TXNDC16: variants seen among roughly 807,000 people sequenced by gnomAD.
TXNDC16 encodes thioredoxin domain containing 16.
A neutral mutation model predicts 85.6 loss-of-function variants in TXNDC16; 74 were observed. The observed-to-expected ratio is 0.86, with a 90% CI of 0.72 to 1.05. The LOEUF is 1.05. Among genes scored for constraint, TXNDC16 ranks in the 50% least tolerant of loss-of-function variants. The probability of loss-of-function intolerance (pLI) is 0.00; values close to 1 mark genes in which losing one functional copy is unlikely to be tolerated. For synonymous variants in TXNDC16, 335 were observed against 326.5 expected, an observed-to-expected ratio of 1.03 and a Z score of -0.28; for missense variants, 959 against 947.0, an observed-to-expected ratio of 1.01 and a Z score of -0.17.
chr14:52,480,912 C>T (rs4471584), intron 14 of TXNDC16, among the ~76,000 whole-genome samples: 1 of 149,830 alleles, frequency 6.7e-6, no homozygotes, highest in East Asian at 1.9e-4. Flanking sequence ...AACCCAAATG[C>T]TCATCAATCA....
rs189237494 is a variant in TXNDC16, at chr14:52,440,816, G to A, written c.1843-92C>T. 5.0e-4 allele frequency: 612 copies of A among 1,229,834 alleles called. 2 individuals are homozygous for A. In the African/African-American group the frequency reaches 8.7e-3, roughly 17 times the overall value. The allele number at this position is 1,229,834 out of a possible 1,614,324, so 76.2% of individuals were successfully genotyped here. A position where few individuals can be genotyped will look rare whatever the true frequency, so the allele number is the denominator to read the frequency against. The stretch of plus-strand genomic sequence containing the variant: ...CATTCAAATCACTCAGTCAATTTTA[G>A]TTTGTAAAATGTAATTCAAACACAT... On this transcript the variant is annotated intron_variant, in intron 18 of 20. Coordinates refer to ENST00000281741, the MANE Select transcript of TXNDC16 (RefSeq NM_020784.3).
At chr14:52,500,954 T>TA (rs1566563206) in intron 9 of TXNDC16, among the ~76,000 whole-genome samples, 2 of 152,222 alleles carry the variant, frequency 1.3e-5, no homozygotes, top group African/African-American at 4.8e-5. Context: ...TCTACAAATA[T>TA]AAACTGAATC....
chr14:52,534,797 C>G (rs556935270), intron 6 of TXNDC16, among the ~76,000 whole-genome samples: 1 of 152,314 alleles, frequency 6.6e-6, no homozygotes, highest in South Asian at 2.1e-4. Flanking sequence ...AAGCCACATC[C>G]TATTCTGTTT....
rs2035148751 is a variant in TXNDC16, at chr14:52,440,853, T to C, written c.1843-129A>G. ...TAATTCAAACACATTTTCACTTAAG[T>C]AGAGATTTTACTATATTAATAACTA... On this transcript the variant is annotated intron_variant, in intron 18 of 20. Transcript: ENST00000281741. The C allele has an allele frequency of 9.9e-6, 8 of 804,426 alleles. No homozygotes were observed. In the East Asian group the frequency reaches 2.4e-4, roughly 24 times the overall value. The allele number at this position is 804,426 out of a possible 1,614,324, so 49.8% of individuals were successfully genotyped here. A position where few individuals can be genotyped will look rare whatever the true frequency, so the allele number is the denominator to read the frequency against.
chr14:52,465,783 A>C (rs1566542337), intron 16 of TXNDC16, among the ~76,000 whole-genome samples: 1 of 152,210 alleles, frequency 6.6e-6, no homozygotes, highest in Non-Finnish European at 1.5e-5. Context: ...GGTCTAAGTA[A>C]AGAGAAGGTG....
intron 11 of TXNDC16, 131 bp downstream of exon 11, chr14:52,490,260 C>T (rs1012099393): frequency 5.6e-6 from 3 of 540,182 alleles, no homozygotes; most frequent in Non-Finnish European, 9.2e-6. Flanking sequence ...AAAACGTTAA[C>T]AGCAATTTTC....
chr14:52,519,379 A>G, intron 6 of TXNDC16, 86 bp from the exon 7 acceptor site: 1 of 968,298 alleles, frequency 1.0e-6, no homozygotes, highest in Non-Finnish European at 1.5e-6. Flanking sequence ...TAACCAAAAG[A>G]GAAATATATC....
intron 6 of TXNDC16, among the ~76,000 whole-genome samples, chr14:52,522,006 C>T (rs2037221777): frequency 6.6e-6 from 1 of 152,150 alleles, no homozygotes; most frequent in Non-Finnish European, 1.5e-5. Context: ...TAAAGAATGG[C>T]AATGGAGTCT....
intron 12 of TXNDC16, among the ~76,000 whole-genome samples, chr14:52,486,014 G>T (rs1229439281): frequency 2.6e-5 from 4 of 151,976 alleles, no homozygotes; most frequent in Admixed American, 2.6e-4. Context: ...ATAACTTAAA[G>T]GTACTTTTAA....
chr14:52,548,960 C>T (rs955261634), intron 1 of TXNDC16, among the ~76,000 whole-genome samples: 1 of 152,188 alleles, frequency 6.6e-6, no homozygotes, highest in Non-Finnish European at 1.5e-5. Flanking sequence ...CAGTCTAGCA[C>T]TATTAGTACA....
intron 16 of TXNDC16, among the ~76,000 whole-genome samples, chr14:52,464,075 C>A (rs184603571): frequency 2.0e-5 from 3 of 152,248 alleles, no homozygotes; most frequent in African/African-American, 7.2e-5. Context: ...ACTTGTATTG[C>A]GAGATGACTG....
At chr14:52,503,657 A>C (rs2036717101) in intron 9 of TXNDC16, among the ~76,000 whole-genome samples, 2 of 152,166 alleles carry the variant, frequency 1.3e-5, no homozygotes, top group African/African-American at 4.8e-5. Context: ...AAACCCTAAA[A>C]ATCAGGGCAC....
chr14:52,508,830 C>T (rs867664313), intron 9 of TXNDC16, among the ~76,000 whole-genome samples: 13 of 152,088 alleles, frequency 8.5e-5, no homozygotes, highest in African/African-American at 3.1e-4. Context: ...AAAAACCAAA[C>T]ACCGCATGTT....
At chr14:52,513,003 T>A (rs905966818) in intron 8 of TXNDC16, among the ~76,000 whole-genome samples, 4 of 152,080 alleles carry the variant, frequency 2.6e-5, no homozygotes, top group Non-Finnish European at 4.4e-5. Flanking sequence ...GGGCCCTAGG[T>A]CAGGTGTCCA....
chr14:52,436,760 T>C (rs1408726098), intron 20 of TXNDC16, among the ~76,000 whole-genome samples: 1 of 152,124 alleles, frequency 6.6e-6, no homozygotes, highest in Non-Finnish European at 1.5e-5. Context: ...ATTCATACTA[T>C]ACCTGATAGT....
In TXNDC16 at chr14:52,470,531, G is replaced by T; in HGVS notation, c.1462C>A (p.Leu488Ile). 6.2e-7 allele frequency: 1 copy of T among 1,612,808 alleles called. No homozygotes were observed. ...ACTTACAGCTGGATAAATTTTAGGAGATCTTCGGTTCCTAACATTCCAGCA... is the reference window on the plus strand; with the variant it reads ...ACTTACAGCTGGATAAATTTTAGGATATCTTCGGTTCCTAACATTCCAGCA... Reference protein sequence around the residue: ...SYAGMLGTEDLLKFIQLNRIS... With the variant: ...SYAGMLGTEDILKFIQLNRIS... Residue 488 changes from leucine to isoleucine, a missense_variant, in exon 15 of 21, where the codon CTC becomes ATC. Coordinates refer to ENST00000281741, the MANE Select transcript of TXNDC16 (RefSeq NM_020784.3).
intron 14 of TXNDC16, among the ~76,000 whole-genome samples, chr14:52,474,074 G>A (rs2035967085): frequency 6.6e-6 from 1 of 152,144 alleles, no homozygotes; most frequent in Non-Finnish European, 1.5e-5. Flanking sequence ...TGAATGAAAA[G>A]GAAAACAAGT....
In TXNDC16 at chr14:52,486,100, ATT is replaced by A. The variant is rs368055161; in HGVS notation, c.1108+2261_1108+2262del. Among the ~76,000 whole-genome samples the A allele has an allele frequency of 8.9e-4, 135 of 151,920 alleles. 1 individual carries two copies. In the East Asian group the frequency reaches 0.025, roughly 29 times the overall value. On this transcript the variant is annotated intron_variant, in intron 12 of 20. Coordinates refer to ENST00000281741, the MANE Select transcript of TXNDC16 (RefSeq NM_020784.3). ...AAAGACCTATTTTCTTATTTACTGT[ATT>A]TTTTTCTTATTATTCATATATTTTC...
chr14:52,530,484 A>ATAATATAATATATATTATTATATAT (rs1566582903), intron 6 of TXNDC16, among the ~76,000 whole-genome samples: 9 of 306 alleles, frequency 0.029, no homozygotes, highest in Admixed American at 0.083. Flanking sequence ...ATTATATATA[A>ATAATATAATATATATTATTATATAT]TATTATATAT....
Sources: allele counts gnomAD v4.1 joint callset (sites outside exome capture counted in the v4.1 genomes callset), GRCh38; gene constraint gnomAD v4.1.1; transcripts MANE v1.5; gene names NCBI Gene and HGNC (gene_info 2026-07-23, HGNC 2026-07-21).